CEP128: variants seen among roughly 807,000 people sequenced by gnomAD.
CEP128 encodes centrosomal protein 128kDa.
CEP128 carries 132 observed loss-of-function variants against 156.7 expected under a neutral mutation model. That is an observed-to-expected ratio of 0.84 (90% CI 0.73 to 0.97). The LOEUF is 0.97. Ranked by LOEUF, CEP128 falls within the 50% of genes least tolerant of loss-of-function variation. CEP128 has a pLI of 0.00. For synonymous variants in CEP128, 469 were observed against 448.9 expected (o/e 1.04, Z -0.57); for missense variants, 1,252 against 1,281.9 (o/e 0.98, Z 0.36).
intron 12 of CEP128, among the ~76,000 whole-genome samples, chr14:80,835,749 G>A (rs1024426787): frequency 6.6e-6 from 1 of 152,080 alleles, no homozygotes; most frequent in Non-Finnish European, 1.5e-5. Context: ...CCTGAGTTGT[G>A]ATTAATTTTT....
chr14:80,541,680 T>C (rs1481134352), intron 21 of CEP128, among the ~76,000 whole-genome samples: 3 of 152,198 alleles, frequency 2.0e-5, no homozygotes, highest in Non-Finnish European at 4.4e-5. Context: ...TCTCATTTTA[T>C]TGCCACAAAT....
At chr14:80,952,789 A>T (rs997086678) in intron 2 of CEP128, among the ~76,000 whole-genome samples, 22 of 152,178 alleles carry the variant, frequency 1.4e-4, no homozygotes, top group Admixed American at 1.2e-3. Flanking sequence ...AGAAGATACA[A>T]ATTATCAATA....
intron 8 of CEP128, among the ~76,000 whole-genome samples, chr14:80,869,949 TATAAG>T (rs2139248646): frequency 6.6e-6 from 1 of 152,116 alleles, no homozygotes; most frequent in African/African-American, 2.4e-5. Context: ...TACAAAGTCT[TATAAG>T]AAAATACTAT....
At chr14:80,671,408 C>G (rs1414539490) in intron 19 of CEP128, among the ~76,000 whole-genome samples, 2 of 152,084 alleles carry the variant, frequency 1.3e-5, no homozygotes, top group African/African-American at 4.8e-5. Flanking sequence ...TGACAGACTT[C>G]CTCATCAGTT....
chr14:80,619,863 G>A (rs180886552), intron 19 of CEP128, among the ~76,000 whole-genome samples: 91 of 152,228 alleles, frequency 6.0e-4, no homozygotes, highest in East Asian at 4.3e-3. Context: ...GGTGGCTCAC[G>A]CCTGTAATCC....
At chr14:80,526,066 G>A (rs1324420198) in intron 23 of CEP128, among the ~76,000 whole-genome samples, 3 of 152,090 alleles carry the variant, frequency 2.0e-5, no homozygotes, top group Admixed American at 2.0e-4. Flanking sequence ...ATTCTCAACA[G>A]GGGGCATCTT....
intron 21 of CEP128, among the ~76,000 whole-genome samples, chr14:80,533,510 A>C (rs963872567): frequency 2.0e-5 from 3 of 152,134 alleles, no homozygotes; most frequent in Non-Finnish European, 4.4e-5. Context: ...ACTACATGAA[A>C]CCATTCTTTT....
chr14:80,567,897 C>T lies in CEP128; in HGVS notation c.2857-8595G>A, dbSNP rs182751221. Reference sequence around the variant, plus strand: ...GGAATTGAGGAGTACCAGGAGAAGGCCAACAACTCAGAAACCAGCACACCA... The same window carrying T: ...GGAATTGAGGAGTACCAGGAGAAGGTCAACAACTCAGAAACCAGCACACCA... On this transcript the variant is annotated intron_variant, in intron 20 of 24. Transcript: ENST00000555265. 1.5e-3 allele frequency among the ~76,000 whole-genome samples: 227 copies of T among 151,932 alleles called. 1 individual carries two copies. Among genetic ancestry groups the T allele is most frequent in the African/African-American group, 5.2e-3 (215 of 41,390 alleles).
At chr14:80,733,623 A>G (rs1288229851) in intron 19 of CEP128, among the ~76,000 whole-genome samples, 1 of 152,146 alleles carries the variant, frequency 6.6e-6, no homozygotes, top group African/African-American at 2.4e-5. Context: ...CAAATTAATA[A>G]ATGTTTTAAA....
intron 19 of CEP128, among the ~76,000 whole-genome samples, chr14:80,703,941 T>C (rs1203976544): frequency 1.3e-5 from 2 of 152,116 alleles, no homozygotes; most frequent in Admixed American, 1.3e-4. Flanking sequence ...CCTTCCTCCC[T>C]ATTTTTCTTT....
intron 19 of CEP128, among the ~76,000 whole-genome samples, chr14:80,737,329 A>G (rs1008654414): frequency 6.6e-6 from 1 of 151,904 alleles, no homozygotes; most frequent in African/African-American, 2.4e-5. Context: ...GCTTGAACCT[A>G]GAAGGCGGAG....
chr14:80,761,479 T>C lies in CEP128; in HGVS notation c.2511A>G (p.Ala837=). The C allele has an allele frequency of 6.2e-7, 1 of 1,612,176 alleles. No homozygotes were observed. Among genetic ancestry groups the C allele is most frequent in the Non-Finnish European group, 8.5e-7 (1 of 1,178,776 alleles). ...ILGVIGKEID[A]ACKTFSKDSV... is the part of the protein sequence containing the mutation. ...AGTCCTTGGAGAATGTTTTACAAGC[T>C]GCATCAATTTCCTTTCCTATCACAC... is the stretch of plus-strand genomic sequence containing the variant. Residue 837 remains alanine, a synonymous_variant, in exon 17 of 25, where the codon GCA becomes GCG. Coordinates refer to ENST00000555265, the MANE Select transcript of CEP128 (RefSeq NM_152446.5).
chr14:80,849,345 C>A (rs1886771507), intron 9 of CEP128, among the ~76,000 whole-genome samples: 1 of 152,078 alleles, frequency 6.6e-6, no homozygotes, highest in Non-Finnish European at 1.5e-5. Context: ...CTCCAGAGAC[C>A]CAAGTTCGCC....
rs1182671481 is a variant in CEP128 at position 80,857,766 on chromosome 14, AAC to A, written c.762+4989_762+4990del. On this transcript the variant is annotated intron_variant, in intron 9 of 24. Transcript: ENST00000555265. ...AAACAACAACAACAACAACAACAAC[AAC>A]AAAAAACATGAATTGAATTAGTAAA... Among the ~76,000 whole-genome samples, 45 of 151,748 alleles carry A rather than the reference AAC, an allele frequency of 3.0e-4. 2 individuals carry two copies. The East Asian group carries it at 7.7e-3, about 26-fold the overall frequency.
chr14:80,679,558 G>A (rs1433244423), intron 19 of CEP128, among the ~76,000 whole-genome samples: 1 of 152,144 alleles, frequency 6.6e-6, no homozygotes, highest in Admixed American at 6.5e-5. Flanking sequence ...AGGTCAGACT[G>A]GCTCTCTGCT....
In CEP128 at chr14:80,630,134, C is replaced by T. The variant is rs561845957; in HGVS notation, c.2807-49711G>A. Among the ~76,000 whole-genome samples, 185 of 152,024 alleles carry T rather than the reference C, an allele frequency of 1.2e-3. 2 individuals are homozygous for T. The highest frequency in any genetic ancestry group is 4.4e-3 in the African/African-American group (181 of 41,542). The stretch of plus-strand genomic sequence containing the variant: ...TTGTTCTAGTAGTGGTCAATGTAGA[C>T]GTATCGGTTATACTAGTGGTTTAAA... On this transcript the variant is annotated intron_variant, in intron 19 of 24. Transcript: ENST00000555265.
chr14:80,769,597 T>A (rs897557582), intron 16 of CEP128, among the ~76,000 whole-genome samples: 1 of 152,236 alleles, frequency 6.6e-6, no homozygotes, highest in African/African-American at 2.4e-5. Flanking sequence ...CATCCTTTTT[T>A]ACGGCTGCAT....
intron 19 of CEP128, among the ~76,000 whole-genome samples, chr14:80,741,992 G>GTCA: frequency 6.6e-6 from 1 of 152,138 alleles, no homozygotes; most frequent in African/African-American, 2.4e-5. Flanking sequence ...TGTCCCCACA[G>GTCA]GGACCTCAGC....
intron 17 of CEP128, among the ~76,000 whole-genome samples, chr14:80,758,316 G>A (rs1899773108): frequency 6.6e-6 from 1 of 152,176 alleles, no homozygotes; most frequent in Non-Finnish European, 1.5e-5. Context: ...GAGGTCAGGA[G>A]TACAAGACCA....
Sources: allele counts gnomAD v4.1 joint callset (sites outside exome capture counted in the v4.1 genomes callset), GRCh38; gene constraint gnomAD v4.1.1; transcripts MANE v1.5; gene names NCBI Gene and HGNC (gene_info 2026-07-23, HGNC 2026-07-21).